The following RPS6KA5 variants were observed in gnomAD, a reference collection of about 807,000 sequenced individuals.
RPS6KA5 encodes the protein ribosomal protein S6 kinase A5, also known as ribosomal protein S6 kinase alpha-5.
A neutral mutation model predicts 85.5 loss-of-function variants in RPS6KA5; 27 were observed. The ratio of observed to expected loss-of-function variants is 0.32; its 90% CI spans 0.23 to 0.44. RPS6KA5 has a LOEUF of 0.44. Among genes scored for constraint, RPS6KA5 ranks in the 20% least tolerant of loss-of-function variants. The pLI, the probability that RPS6KA5 is intolerant of heterozygous loss-of-function variation, is 1.00. For synonymous variants in RPS6KA5, 334 were observed against 348.2 expected (o/e 0.96, Z 0.46); for missense variants, 811 against 980.9 (o/e 0.83, Z 2.31).
intron 1 of RPS6KA5, among the ~76,000 whole-genome samples, chr14:91,011,270 G>A (rs540823014): frequency 5.9e-5 from 9 of 152,126 alleles, no homozygotes; most frequent in African/African-American, 2.2e-4. Context: ...GGTGGATCAC[G>A]AGGTCAAGAG....
chr14:91,059,758 G>C (rs1355342604), intron 1 of RPS6KA5, among the ~76,000 whole-genome samples: 1 of 152,200 alleles, frequency 6.6e-6, no homozygotes, highest in Non-Finnish European at 1.5e-5. Context: ...GAGAATAAAG[G>C]CACTCAATCC....
intron 1 of RPS6KA5, among the ~76,000 whole-genome samples, chr14:91,017,712 C>T (rs1371757841): frequency 6.6e-6 from 1 of 152,158 alleles, no homozygotes; most frequent in Non-Finnish European, 1.5e-5. Context: ...CACTATTAAC[C>T]CTAGTAGCCC....
chr14:90,997,166 G>A (rs891913264), intron 2 of RPS6KA5, among the ~76,000 whole-genome samples: 2 of 152,084 alleles, frequency 1.3e-5, no homozygotes, highest in Admixed American at 1.3e-4. Flanking sequence ...ATTTCTTCCT[G>A]TTTTAAAATT....
intron 3 of RPS6KA5, among the ~76,000 whole-genome samples, chr14:90,971,125 T>C (rs572598774): frequency 3.9e-5 from 6 of 152,214 alleles, no homozygotes; most frequent in African/African-American, 1.2e-4. Flanking sequence ...AAGACCAGCC[T>C]GGCCAGCATG....
At chr14:90,992,213 A>C (rs2040339496) in intron 2 of RPS6KA5, among the ~76,000 whole-genome samples, 1 of 152,206 alleles carries the variant, frequency 6.6e-6, no homozygotes, top group South Asian at 2.1e-4. Context: ...TTAGTCATCA[A>C]AACTGTGATT....
At position 90,873,753 on chromosome 14, in the gene RPS6KA5, C is replaced by G; in HGVS notation, c.2039G>C (p.Gly680Ala). 1 of 1,614,032 alleles carries G rather than the reference C, an allele frequency of 6.2e-7. No individual in the cohort carries two copies. Among genetic ancestry groups the G allele is most frequent in the Non-Finnish European group, 8.5e-7 (1 of 1,179,966 alleles). The change falls in exon 16 of 17, where the codon GGC (glycine) becomes GCC (alanine). Residue 680 changes from glycine to alanine, a missense_variant. Transcript: ENST00000614987. ...VDPNKRLKMS[G>A]LRYNEWLQDG... is the part of the protein sequence containing the mutation. ...TTGTAGCCATTCATTGTACCTCAAG[C>G]CAGACATTTTAAGCCTTTTGTTTGG... is the stretch of plus-strand genomic sequence containing the variant.
Position 90,938,533 on chromosome 14 carries a change from C to T in RPS6KA5, c.618+4545G>A, listed in dbSNP as rs185099226. Among the ~76,000 whole-genome samples, 309 of 152,330 alleles carry T rather than the reference C, an allele frequency of 2.0e-3. 3 individuals are homozygous for T. Among genetic ancestry groups the T allele is most frequent in the Non-Finnish European group, 3.2e-3 (218 of 68,024 alleles). ...CCTAGCAGAGGTTCTCCGTGAGGGC[C>T]CCATTCCTGCAGCAAACGTCTGCCT... On this transcript the variant is annotated intron_variant, in intron 5 of 16. Transcript: ENST00000614987.
chr14:90,896,310 T>C (rs2034832212), intron 12 of RPS6KA5, among the ~76,000 whole-genome samples: 1 of 152,236 alleles, frequency 6.6e-6, no homozygotes, highest in African/African-American at 2.4e-5. Context: ...TCAGTTCTGT[T>C]ATTTATTCAT....
rs933458108 is a variant in RPS6KA5 at position 90,906,021 on chromosome 14, C to T, written c.957+128G>A. 3.4e-5 allele frequency: 29 copies of T among 856,080 alleles called. No individual in the cohort carries two copies. The African/African-American group carries it at 4.2e-4, about 12-fold the overall frequency. The allele number at this position is 856,080 out of a possible 1,614,324, so 53.0% of individuals were successfully genotyped here. A position where few individuals can be genotyped will look rare whatever the true frequency, so the allele number is the denominator to read the frequency against. On this transcript the variant is annotated intron_variant, in intron 8 of 16. Transcript: ENST00000614987. ...TAAAAACAAAACAAAACAAAAGGTG[C>T]AATGTACGTGAAAATGCCAGTGGAA...
At chr14:91,026,808 TAA>T (rs2042007016) in intron 1 of RPS6KA5, among the ~76,000 whole-genome samples, 1 of 152,256 alleles carries the variant, frequency 6.6e-6, no homozygotes, top group Non-Finnish European at 1.5e-5. Context: ...TTTTACTTTC[TAA>T]TAAAAGCCAT....
chr14:90,900,092 T>C lies in RPS6KA5; in HGVS notation c.1379+16A>G, dbSNP rs1015606970. The stretch of plus-strand genomic sequence containing the variant: ...TGAATACCTAAGAAAGAATATTATA[T>C]TAAAAATGGTCATACCTTTTGCTGA... On this transcript the variant is annotated intron_variant, in intron 11 of 16. Coordinates refer to ENST00000614987, the MANE Select transcript of RPS6KA5 (RefSeq NM_004755.4). 6.4e-7 allele frequency: 1 copy of C among 1,568,876 alleles called. No homozygotes were observed. The highest frequency in any genetic ancestry group is 8.6e-7 in the Non-Finnish European group (1 of 1,158,720).
intron 3 of RPS6KA5, 98 bp downstream of exon 3, chr14:90,978,208 T>C (rs1410040434): frequency 1.2e-6 from 1 of 822,156 alleles, no homozygotes; most frequent in Non-Finnish European, 1.8e-6. Flanking sequence ...ATATTTCACT[T>C]CTTCTAAGTC....
chr14:90,857,161 ATAAAAAAAAATCCAC>A lies in RPS6KA5; in HGVS notation c.*14898_*14912del, dbSNP rs1440511129. 6.6e-6 allele frequency: 1 copy of A among 152,198 alleles called. No homozygotes were observed. The highest frequency in any genetic ancestry group is 1.9e-4 in the East Asian group (1 of 5,204). 9.4% of individuals were successfully genotyped at this position (152,198 alleles called of 1,614,324 possible). A position where few individuals can be genotyped will look rare whatever the true frequency, so the allele number is the denominator to read the frequency against. On this transcript the variant is annotated 3_prime_UTR_variant, in exon 17 of 17. Transcript: ENST00000614987. Reference sequence around the variant, plus strand: ...GTTATCTCTGGAATACGTCTTTGTAATAAAAAAAAATCCACTGGATAAAGTTTCAAAAGTGGGAAA... The same window carrying A: ...GTTATCTCTGGAATACGTCTTTGTAATGGATAAAGTTTCAAAAGTGGGAAA...
Position 90,860,907 on chromosome 14 carries a change from T to TTTA in RPS6KA5, c.*11166_*11167insTAA. On this transcript the variant is annotated 3_prime_UTR_variant, in exon 17 of 17. Coordinates refer to ENST00000614987, the MANE Select transcript of RPS6KA5 (RefSeq NM_004755.4). ...AGAGTCTATTTTTTTTTTTTTTTTT[T>TTTA]TGAGATGGAGTTTCGCTCTTGTTGC... 1 of 151,016 alleles carries TTTA rather than the reference T, an allele frequency of 6.6e-6. No individual in the cohort carries two copies. The highest frequency in any genetic ancestry group is 2.1e-4 in the South Asian group (1 of 4,748). 9.4% of individuals were successfully genotyped at this position (151,016 alleles called of 1,614,324 possible). A position where few individuals can be genotyped will look rare whatever the true frequency, so the allele number is the denominator to read the frequency against.
At position 90,889,201 on chromosome 14, in the gene RPS6KA5, G is replaced by C. The variant is rs533362616; in HGVS notation, c.1836+1286C>G. Among the ~76,000 whole-genome samples the C allele has an allele frequency of 9.2e-4, 139 of 151,272 alleles. 1 individual carries two copies. Among genetic ancestry groups the C allele is most frequent in the African/African-American group, 3.4e-3 (138 of 41,118 alleles). On this transcript the variant is annotated intron_variant, in intron 14 of 16. Transcript: ENST00000614987. ...CCCAGCTACTCAGGAGGCTGAGGCAGGAGAATCGCTTGAATCCGGGAGGCG... is the reference window on the plus strand; with the variant it reads ...CCCAGCTACTCAGGAGGCTGAGGCACGAGAATCGCTTGAATCCGGGAGGCG...
intron 1 of RPS6KA5, among the ~76,000 whole-genome samples, chr14:91,049,497 C>A (rs574363401): frequency 6.6e-6 from 1 of 152,222 alleles, no homozygotes; most frequent in Non-Finnish European, 1.5e-5. Context: ...CGCCTGTAGT[C>A]CCAGCTACTC....
Position 90,853,783 on chromosome 14 carries a change from T to A in RPS6KA5, c.*18291A>T, listed in dbSNP as rs909985711. 2.0e-5 allele frequency: 3 copies of A among 152,242 alleles called. No homozygotes were observed. Among genetic ancestry groups the A allele is most frequent in the Admixed American group, 2.0e-4 (3 of 15,286 alleles). The allele number at this position is 152,242 out of a possible 1,614,324, so 9.4% of individuals were successfully genotyped here. On this transcript the variant is annotated 3_prime_UTR_variant, in exon 17 of 17. Transcript: ENST00000614987. ...TAATCCTGGAGCTCTGGAATGTTATTCCCTCTTAAAGCTGTATTAGGTCTT... is the reference window on the plus strand; with the variant it reads ...TAATCCTGGAGCTCTGGAATGTTATACCCTCTTAAAGCTGTATTAGGTCTT...
At chr14:90,992,807 T>A (rs1397584895) in intron 2 of RPS6KA5, among the ~76,000 whole-genome samples, 1 of 152,116 alleles carries the variant, frequency 6.6e-6, no homozygotes. Flanking sequence ...TAGGACTATG[T>A]AGGTTTCTCA....
chr14:90,873,816 A>G (rs2033279072), intron 15 of RPS6KA5, 21 bp from the exon 16 acceptor site: 1 of 1,596,126 alleles, frequency 6.3e-7, no homozygotes, highest in East Asian at 2.2e-5. Flanking sequence ...AGATATTTTT[A>G]TTTTATGATT....
Sources: allele counts gnomAD v4.1 joint callset (sites outside exome capture counted in the v4.1 genomes callset), GRCh38; gene constraint gnomAD v4.1.1; transcripts MANE v1.5; gene names NCBI Gene and HGNC (gene_info 2026-07-23, HGNC 2026-07-21).